Variants in SANBR observed in about 807,000 individuals in gnomAD.
The protein encoded by SANBR is SANT and BTB domain regulator of CSR, also known as SANT and BTB domain regulator of class switch recombination.
Under a neutral mutation model 101.8 loss-of-function variants are expected in SANBR, and 77 were observed. That is an observed-to-expected ratio of 0.76 (90% CI 0.63 to 0.91). The LOEUF is 0.91. SANBR is among the 40% of genes least tolerant of loss of function. The pLI, the probability that SANBR is intolerant of heterozygous loss-of-function variation, is 0.00. For synonymous variants in SANBR, 279 were observed against 274.7 expected (o/e 1.02, Z -0.15); for missense variants, 875 against 853.0 (o/e 1.03, Z -0.32).
rs116822989 is a variant in SANBR at position 61,095,506 on chromosome 2, G to A, written c.1213-2194G>A. On this transcript the variant is annotated intron_variant, in intron 11 of 21. Transcript: ENST00000402291. The stretch of plus-strand genomic sequence containing the variant: ...TATTCTTTAATGCATTTATGTTAAA[G>A]ATCATTGCTTATCAAATAGCAACTT... Among the ~76,000 whole-genome samples the A allele has an allele frequency of 3.0e-3, 461 of 152,230 alleles. 3 individuals carry two copies. Among genetic ancestry groups the A allele is most frequent in the African/African-American group, 0.011 (442 of 41,534 alleles).
downstream of SANBR, among the ~76,000 whole-genome samples, chr2:61,124,855 T>G (rs765682377): frequency 1.3e-5 from 2 of 152,236 alleles, no homozygotes; most frequent in Non-Finnish European, 2.9e-5. Flanking sequence ...TTCACAATAC[T>G]CAGCCAGGTA....
chr2:61,086,742 T>C (rs900639227), intron 8 of SANBR, among the ~76,000 whole-genome samples: 1 of 151,974 alleles, frequency 6.6e-6, no homozygotes, highest in Non-Finnish European at 1.5e-5. Context: ...CAAGAGAGGA[T>C]TTTTTGTTTT....
chr2:61,115,307 T>A (rs1241146452), intron 16 of SANBR, among the ~76,000 whole-genome samples: 3 of 151,646 alleles, frequency 2.0e-5, no homozygotes, highest in Non-Finnish European at 4.4e-5. Flanking sequence ...TTTGTCAGAT[T>A]TATTGGCATA....
intron 7 of SANBR, among the ~76,000 whole-genome samples, chr2:61,081,949 A>T (rs537339070): frequency 1.3e-5 from 2 of 151,944 alleles, no homozygotes; most frequent in East Asian, 3.9e-4. Context: ...GCACCCAGCC[A>T]GAATACTCCT....
At chr2:61,105,061 G>T (rs1683488941) in intron 13 of SANBR, among the ~76,000 whole-genome samples, 1 of 151,494 alleles carries the variant, frequency 6.6e-6, no homozygotes, top group South Asian at 2.1e-4. Context: ...AGGTTGTAAG[G>T]TTAGAGGCTG....
chr2:61,077,043 G>A lies in SANBR; in HGVS notation c.555G>A (p.Gln185=), dbSNP rs927350334. The A allele has an allele frequency of 6.2e-7, 1 of 1,613,982 alleles. No homozygotes were observed. Among genetic ancestry groups the A allele is most frequent in the Admixed American group, 1.7e-5 (1 of 60,022 alleles). ...YFAEYLSMDA[Q]RWEEVDISVH... ...CTGAATATTTATCTATGGATGCCCA[G>A]CGCTGGGAAGAGGTGGACATTTCAG... Residue 185 remains glutamine (Q), a synonymous_variant, in exon 6 of 22, where the codon CAG becomes CAA. Transcript: ENST00000402291.
intron 16 of SANBR, among the ~76,000 whole-genome samples, chr2:61,112,458 A>G (rs1195108451): frequency 6.6e-6 from 1 of 150,668 alleles, no homozygotes; most frequent in Non-Finnish European, 1.5e-5. Context: ...ATGTTTCTCA[A>G]TATTTCCCCT....
At chr2:61,090,425 A>G (rs1197174489) in intron 10 of SANBR, 3 of 152,176 alleles carry the variant, frequency 2.0e-5, no homozygotes, top group South Asian at 2.1e-4. Flanking sequence ...GTTTTATTCA[A>G]AGTATTTTCC....
chr2:61,098,663 GTAGGT>G (rs924017891), intron 12 of SANBR, among the ~76,000 whole-genome samples: 3 of 152,176 alleles, frequency 2.0e-5, no homozygotes, highest in African/African-American at 4.8e-5. Context: ...GAGTATTGCT[GTAGGT>G]TAGATTCTCT....
chr2:61,074,612 C>T (rs113819903), intron 5 of SANBR, among the ~76,000 whole-genome samples: 8 of 152,106 alleles, frequency 5.3e-5, no homozygotes, highest in East Asian at 1.9e-4. Context: ...CCATGGTGGC[C>T]GGCCTGGTCT....
chr2:61,106,959 G>A (rs72809467), intron 14 of SANBR, among the ~76,000 whole-genome samples: 11,256 of 152,154 alleles, frequency 0.074, 569 homozygotes, highest in Middle Eastern at 0.14. Context: ...GAGCCCAGGA[G>A]TTTGAGACCA....
intron 3 of SANBR, among the ~76,000 whole-genome samples, chr2:61,071,263 C>G (rs1355219750): frequency 2.0e-5 from 3 of 151,988 alleles, no homozygotes; most frequent in Non-Finnish European, 4.4e-5. Context: ...TAAAAAATTC[C>G]CAAACCGCTG....
At position 61,120,691 on chromosome 2, in the gene SANBR, C is replaced by A. The variant is rs11888209; in HGVS notation, c.2029-494C>A. Among the ~76,000 whole-genome samples, 1,325 of 152,318 alleles carry A rather than the reference C, an allele frequency of 8.7e-3. 19 individuals are homozygous for A. The highest frequency in any genetic ancestry group is 0.03 in the African/African-American group (1,239 of 41,568). ...AGTAAGCCTTGATCGCACCACTGCA[C>A]TCCAGCCTGGCTGACAGAGTGAGAT... On this transcript the variant is annotated intron_variant, in intron 20 of 21. Coordinates refer to ENST00000402291, the MANE Select transcript of SANBR (RefSeq NM_001129993.3).
intron 20 of SANBR, among the ~76,000 whole-genome samples, chr2:61,129,994 T>G (rs1460225280): frequency 6.6e-6 from 1 of 152,108 alleles, no homozygotes; most frequent in African/African-American, 2.4e-5. Flanking sequence ...AATGGAGCTA[T>G]ATAGGAATAA....
downstream of SANBR, among the ~76,000 whole-genome samples, chr2:61,127,119 G>T (rs1684536612): frequency 6.6e-6 from 1 of 152,058 alleles, no homozygotes; most frequent in Non-Finnish European, 1.5e-5. Context: ...TCTGTATCCC[G>T]TGATAAAATG....
At chr2:61,097,165 G>A (rs1683072394) in intron 11 of SANBR, among the ~76,000 whole-genome samples, 3 of 151,972 alleles carry the variant, frequency 2.0e-5, no homozygotes, top group Admixed American at 2.0e-4. Flanking sequence ...AAAAAAGAAA[G>A]CATCAAGGAA....
chr2:61,067,120 A>G (rs910983828), intron 1 of SANBR, among the ~76,000 whole-genome samples: 1 of 152,248 alleles, frequency 6.6e-6, no homozygotes, highest in Admixed American at 6.5e-5. Context: ...TGCCTTTTAT[A>G]CTTAAATTCA....
chr2:61,079,893 C>T (rs1452141064), intron 6 of SANBR, among the ~76,000 whole-genome samples: 1 of 148,566 alleles, frequency 6.7e-6, no homozygotes, highest in African/African-American at 2.5e-5. Flanking sequence ...AGCGAGACTC[C>T]GTCTCAATTT....
chr2:61,124,528 C>T (rs567719080), downstream of SANBR, among the ~76,000 whole-genome samples: 419 of 151,818 alleles, frequency 2.8e-3, 1 homozygote, highest in African/African-American at 9.4e-3. Flanking sequence ...AGTGAGACCT[C>T]GTCTCTACAA....
Sources: gnomAD v4.1 joint callset for allele counts (sites outside exome capture counted in the v4.1 genomes callset) on GRCh38, gnomAD v4.1.1 for gene constraint, MANE v1.5 for transcripts, NCBI Gene and HGNC (gene_info 2026-07-23, HGNC 2026-07-21) for gene names.